Variants in KPNA5 observed in about 807,000 individuals in gnomAD.
KPNA5 encodes the protein karyopherin subunit alpha 5.
A neutral mutation model predicts 71.3 loss-of-function variants in KPNA5; 46 were observed. The observed-to-expected ratio is 0.65, with a 90% confidence interval of 0.51 to 0.83. The LOEUF (loss-of-function observed/expected upper bound fraction) is 0.83, where lower values mean the gene tolerates loss of function less well. Ranked by LOEUF, KPNA5 falls within the 40% of genes least tolerant of loss-of-function variation. KPNA5 has a pLI of 0.00. For synonymous variants in KPNA5, 207 were observed against 201.4 expected, an observed-to-expected ratio of 1.03 and a Z score of -0.24; for missense variants, 547 against 628.3, an observed-to-expected ratio of 0.87 and a Z score of 1.38.
chr6:116,709,683 AAACT>A (rs1301308110), intron 7 of KPNA5, among the ~76,000 whole-genome samples: 1 of 152,100 alleles, frequency 6.6e-6, no homozygotes, highest in Non-Finnish European at 1.5e-5. Flanking sequence ...CTCAGAGTAA[AAACT>A]AACTCTTTCA....
chr6:116,716,423 T>G, intron 8 of KPNA5, 105 bp downstream of exon 8: 1 of 757,916 alleles, frequency 1.3e-6, no homozygotes, highest in Non-Finnish European at 2.2e-6. Flanking sequence ...TTAGTAATTA[T>G]TTTCTTTATT....
chr6:116,701,514 A>G (rs1351190229), intron 5 of KPNA5, among the ~76,000 whole-genome samples: 1 of 152,226 alleles, frequency 6.6e-6, no homozygotes, highest in East Asian at 1.9e-4. Flanking sequence ...TAATAATGAA[A>G]GCTTGATGTT....
chr6:116,711,946 A>G lies in KPNA5; in HGVS notation c.657-4273A>G, dbSNP rs1024782481. 5.3e-5 allele frequency among the ~76,000 whole-genome samples: 8 copies of G among 152,162 alleles called. No homozygotes were observed. The South Asian group carries it at 8.3e-4, about 16-fold the overall frequency. On this transcript the variant is annotated intron_variant, in intron 7 of 13. Transcript: ENST00000368564. ...TAGACCATGTAAGTTTTTAAGTGAT[A>G]CTTCTTTTTCTTTTTGAGACAGAAT...
chr6:116,688,108 C>CTTGATT (rs1777663867), intron 1 of KPNA5, among the ~76,000 whole-genome samples: 1 of 152,076 alleles, frequency 6.6e-6, no homozygotes, highest in African/African-American at 2.4e-5. Flanking sequence ...TTGATTCTCC[C>CTTGATT]CATTTCTCTT....
rs113089746 is a variant in KPNA5, at chr6:116,737,626, T to C, written c.*5303T>C. 6 of 152,002 alleles carry C rather than the reference T, an allele frequency of 3.9e-5. No individual in the cohort carries two copies. Among genetic ancestry groups the C allele is most frequent in the East Asian group, 3.9e-4 (2 of 5,190 alleles). 9.4% of individuals were successfully genotyped at this position (152,002 alleles called of 1,614,324 possible). On this transcript the variant is annotated 3_prime_UTR_variant, in exon 14 of 14. Coordinates refer to ENST00000368564, the MANE Select transcript of KPNA5 (RefSeq NM_001366306.2). ...CAACTAGTTTGTTTCCTCTGTTTCA[T>C]AGATCACGGTTCCTCATTATCTGAT... is the stretch of plus-strand genomic sequence containing the variant.
chr6:116,710,893 ATTTTTTTTTTTTTTT>A (rs67301038), intron 7 of KPNA5, among the ~76,000 whole-genome samples: 32 of 86,736 alleles, frequency 3.7e-4, no homozygotes, highest in East Asian at 1.8e-3. Flanking sequence ...ATATATATAT[ATTTTTTTTTTTTTTT>A]TTTTGAGTTG....
At chr6:116,692,215 A>G (rs1219316618) in intron 3 of KPNA5, 59 bp downstream of exon 3, 3 of 1,427,424 alleles carry the variant, frequency 2.1e-6, no homozygotes, top group African/African-American at 2.9e-5. Flanking sequence ...AATAGTATGT[A>G]TAACAAATAT....
chr6:116,735,531 A>T lies in KPNA5; in HGVS notation c.*3208A>T, dbSNP rs143096881. On this transcript the variant is annotated 3_prime_UTR_variant, in exon 14 of 14. Transcript: ENST00000368564. The stretch of plus-strand genomic sequence containing the variant: ...ATCTTTAAATTCTGACTGGGGAGTA[A>T]GAAGAGAAGATATTCTTACCCTACT... 14 of 151,886 alleles carry T rather than the reference A, an allele frequency of 9.2e-5. No individual in the cohort carries two copies. Among genetic ancestry groups the T allele is most frequent in the Non-Finnish European group, 1.6e-4 (11 of 67,732 alleles). The allele number at this position is 151,886 out of a possible 1,614,324, so 9.4% of individuals were successfully genotyped here.
At chr6:116,681,750 T>G (rs933760715) in intron 1 of KPNA5, among the ~76,000 whole-genome samples, 1 of 152,100 alleles carries the variant, frequency 6.6e-6, no homozygotes, top group Admixed American at 6.5e-5. Flanking sequence ...ACAGGTTCCA[T>G]CCCGAGGGCC....
intron 4 of KPNA5, among the ~76,000 whole-genome samples, chr6:116,693,948 T>C (rs1240817321): frequency 6.6e-6 from 1 of 152,164 alleles, no homozygotes; most frequent in Non-Finnish European, 1.5e-5. Flanking sequence ...TTCAGCTTTC[T>C]ACATATGGCT....
intron 11 of KPNA5, among the ~76,000 whole-genome samples, chr6:116,726,200 C>T (rs1779281514): frequency 6.6e-6 from 1 of 152,004 alleles, no homozygotes; most frequent in African/African-American, 2.4e-5. Context: ...TATTAGGGTT[C>T]TATCAAGCTT....
chr6:116,729,547 T>A lies in KPNA5; in HGVS notation c.1254-16T>A, dbSNP rs1258523345. On this transcript the variant is annotated splice_polypyrimidine_tract_variant and intron_variant, in intron 12 of 13. Transcript: ENST00000368564. ...TCTTTTTTTCCCTGTTTCTTCTCTTTTATATTAATCTGAAGGTATTTGGTA... is the reference window on the plus strand; with the variant it reads ...TCTTTTTTTCCCTGTTTCTTCTCTTATATATTAATCTGAAGGTATTTGGTA... 1 of 1,434,502 alleles carries A rather than the reference T, an allele frequency of 7.0e-7. No individual in the cohort carries two copies. The highest frequency in any genetic ancestry group is 2.5e-5 in the Admixed American group (1 of 40,602). 88.9% of individuals were successfully genotyped at this position (1,434,502 alleles called of 1,614,324 possible). A position where few individuals can be genotyped will look rare whatever the true frequency, so the allele number is the denominator to read the frequency against.
intron 4 of KPNA5, among the ~76,000 whole-genome samples, chr6:116,698,244 A>T (rs1778102065): frequency 6.6e-6 from 1 of 152,038 alleles, no homozygotes; most frequent in South Asian, 2.1e-4. Flanking sequence ...GTCCGTTAAC[A>T]TTTCTGTAAA....
intron 5 of KPNA5, 88 bp from the exon 6 acceptor site, chr6:116,701,931 G>A: frequency 8.4e-7 from 1 of 1,187,906 alleles, no homozygotes; most frequent in Non-Finnish European, 1.2e-6. Context: ...CACTTGTCCT[G>A]GCAGGTCTTT....
At chr6:116,699,089 C>T (rs536182819) in intron 5 of KPNA5, among the ~76,000 whole-genome samples, 14 of 152,124 alleles carry the variant, frequency 9.2e-5, no homozygotes, top group Admixed American at 8.5e-4. Context: ...TAGAAAACTT[C>T]AGACTAAAAT....
chr6:116,695,494 A>G (rs1777991684), intron 4 of KPNA5, among the ~76,000 whole-genome samples: 1 of 152,162 alleles, frequency 6.6e-6, no homozygotes, highest in African/African-American at 2.4e-5. Flanking sequence ...TGAATGGGTA[A>G]GGTTTTGAAA....
intron 2 of KPNA5, 98 bp from the exon 3 acceptor site, chr6:116,691,957 A>G: frequency 1.3e-6 from 1 of 743,036 alleles, no homozygotes; most frequent in Non-Finnish European, 2.3e-6. Flanking sequence ...TAAAATTGAT[A>G]GGTTTCTTTT....
chr6:116,712,644 T>C (rs912192371), intron 7 of KPNA5, among the ~76,000 whole-genome samples: 6 of 152,188 alleles, frequency 3.9e-5, no homozygotes, highest in African/African-American at 1.2e-4. Context: ...AGTTAAGCTT[T>C]TGTAGAGACA....
At chr6:116,687,563 G>A (rs144994614) in intron 1 of KPNA5, among the ~76,000 whole-genome samples, 104 of 152,168 alleles carry the variant, frequency 6.8e-4, no homozygotes, top group African/African-American at 2.4e-3. Flanking sequence ...CTAAAATAAC[G>A]GAATTCATTA....
Sources: allele counts gnomAD v4.1 joint callset (sites outside exome capture counted in the v4.1 genomes callset), GRCh38; gene constraint gnomAD v4.1.1; transcripts MANE v1.5; gene names NCBI Gene and HGNC (gene_info 2026-07-23, HGNC 2026-07-21).